TFDP1: variants seen among roughly 807,000 people sequenced by gnomAD.
TFDP1 encodes the protein transcription factor Dp-1.
A neutral mutation model predicts 48.0 loss-of-function variants in TFDP1; 6 were observed. The observed-to-expected ratio is 0.13, with a 90% CI of 0.07 to 0.25. The LOEUF is 0.25. Ranked by LOEUF, TFDP1 falls within the 10% of genes least tolerant of loss-of-function variation. The probability of loss-of-function intolerance (pLI) is 1.00; values close to 1 mark genes in which losing one functional copy is unlikely to be tolerated. For synonymous variants in TFDP1, 201 were observed against 211.6 expected, an observed-to-expected ratio of 0.95 and a Z score of 0.44; for missense variants, 335 against 543.0, an observed-to-expected ratio of 0.62 and a Z score of 3.81.
chr13:113,604,763 A>T (rs536402072), intron 2 of TFDP1, among the ~76,000 whole-genome samples: 25 of 152,184 alleles, frequency 1.6e-4, no homozygotes, highest in Non-Finnish European at 2.9e-4. Context: ...TTCCAGGCCA[A>T]CCAGGACAGG....
At chr13:113,639,343 A>G (rs568454130) in intron 11 of TFDP1, among the ~76,000 whole-genome samples, 1 of 152,326 alleles carries the variant, frequency 6.6e-6, no homozygotes, top group Non-Finnish European at 1.5e-5. Context: ...AGCTATTACC[A>G]TTTCTTACGA....
intron 5 of TFDP1, 44 bp downstream of exon 5, chr13:113,631,788 C>T (rs755346393): frequency 2.4e-5 from 38 of 1,604,694 alleles, no homozygotes; most frequent in Admixed American, 6.9e-5. Context: ...GGACTGCTTG[C>T]GGTTCGCACC....
rs2047954324 is a variant in TFDP1 at position 113,584,825 on chromosome 13, C to T, written c.-128C>T. The T allele has an allele frequency of 6.8e-6, 1 of 146,428 alleles. No individual in the cohort carries two copies. The highest frequency in any genetic ancestry group is 2.0e-4 in the East Asian group (1 of 5,060). 9.1% of individuals were successfully genotyped at this position (146,428 alleles called of 1,614,324 possible). A position where few individuals can be genotyped will look rare whatever the true frequency, so the allele number is the denominator to read the frequency against. On this transcript the variant is annotated 5_prime_UTR_variant, in exon 1 of 12. Coordinates refer to ENST00000375370, the MANE Select transcript of TFDP1 (RefSeq NM_007111.5). ...GGCCCCAGCCCGCGCCTCTCCGCGC[C>T]GCCCCGCGCTCCGCACCGCGCCCTC... is the stretch of plus-strand genomic sequence containing the variant.
intron 2 of TFDP1, among the ~76,000 whole-genome samples, chr13:113,588,977 C>G (rs1167072467): frequency 7.6e-6 from 1 of 131,786 alleles, no homozygotes; most frequent in African/African-American, 2.9e-5. Flanking sequence ...TGTGGGTGGA[C>G]AGTGAGTGGT....
chr13:113,597,997 G>T (rs2048326498), intron 2 of TFDP1, among the ~76,000 whole-genome samples: 1 of 152,178 alleles, frequency 6.6e-6, no homozygotes, highest in Non-Finnish European at 1.5e-5. Flanking sequence ...CTTCCAGGAG[G>T]GCTGCAGGCA....
At chr13:113,613,495 G>C (rs1335009800) in intron 3 of TFDP1, among the ~76,000 whole-genome samples, 1 of 152,214 alleles carries the variant, frequency 6.6e-6, no homozygotes, top group African/African-American at 2.4e-5. Context: ...TGGTTTGTTG[G>C]TGTTTGCATG....
chr13:113,631,794 G>C (rs778537265), intron 5 of TFDP1, 50 bp downstream of exon 5: 1 of 1,602,170 alleles, frequency 6.2e-7, no homozygotes. Flanking sequence ...CTTGCGGTTC[G>C]CACCTCCACG....
chr13:113,586,672 C>T (rs946073375), intron 2 of TFDP1, among the ~76,000 whole-genome samples: 6 of 152,192 alleles, frequency 3.9e-5, no homozygotes, highest in Admixed American at 3.3e-4. Context: ...AGCGAAAATG[C>T]GTCCAGAGTG....
At chr13:113,617,348 A>G (rs2048883001) in intron 3 of TFDP1, among the ~76,000 whole-genome samples, 1 of 150,846 alleles carries the variant, frequency 6.6e-6, no homozygotes, top group African/African-American at 2.5e-5. Context: ...AGTGCTGACA[A>G]CAGAGAAGAA....
At chr13:113,608,804 C>T (rs1294619718) in intron 2 of TFDP1, among the ~76,000 whole-genome samples, 1 of 152,198 alleles carries the variant, frequency 6.6e-6, no homozygotes, top group Non-Finnish European at 1.5e-5. Context: ...CCTGTGGGTT[C>T]TAGCCCACCA....
At chr13:113,636,761 G>GCACCCTCCCCTCCCGGCTCGGC in intron 10 of TFDP1, 61 bp downstream of exon 10, 1 of 1,565,580 alleles carries the variant, frequency 6.4e-7, no homozygotes, top group African/African-American at 1.4e-5. Context: ...GCCTCCGACG[G>GCACCCTCCCCTCCCGGCTCGGC]TGCCCTCCCC....
At chr13:113,591,111 G>A (rs997464610) in intron 2 of TFDP1, among the ~76,000 whole-genome samples, 6 of 151,812 alleles carry the variant, frequency 4.0e-5, no homozygotes, top group Admixed American at 2.0e-4. Flanking sequence ...GGAGGCCAAG[G>A]CGGGTGGATC....
chr13:113,628,479 C>A (rs1273869378), intron 4 of TFDP1, among the ~76,000 whole-genome samples: 13 of 152,240 alleles, frequency 8.5e-5, no homozygotes, highest in Admixed American at 8.5e-4. Flanking sequence ...GGAGCCCATC[C>A]TCCAGAGAAG....
At chr13:113,596,081 CA>C (rs929577331) in intron 2 of TFDP1, among the ~76,000 whole-genome samples, 23 of 144,708 alleles carry the variant, frequency 1.6e-4, no homozygotes, top group Admixed American at 2.7e-4. Flanking sequence ...GACTCCGTCT[CA>C]AAAAAAAAAA....
Position 113,636,264 on chromosome 13 carries a change from G to T in TFDP1, c.839+136G>T, listed in dbSNP as rs1236765457. The T allele has an allele frequency of 3.9e-6, 5 of 1,292,820 alleles. No individual in the cohort carries two copies. In the East Asian group the frequency reaches 9.4e-5, roughly 24 times the overall value. 80.1% of individuals were successfully genotyped at this position (1,292,820 alleles called of 1,614,324 possible). On this transcript the variant is annotated intron_variant, in intron 9 of 11. Transcript: ENST00000375370. ...GTTGCACAAATTGCTGTCCATTGGG[G>T]GGTGGTGGGAGGCTGCCGCCATGTG...
chr13:113,631,808 T>C, intron 5 of TFDP1, 64 bp downstream of exon 5: 1 of 1,594,128 alleles, frequency 6.3e-7, no homozygotes, highest in South Asian at 1.1e-5. Context: ...CTCCACGTTC[T>C]CCTGGGCCAC....
At chr13:113,603,276 C>T (rs2048485548) in intron 2 of TFDP1, among the ~76,000 whole-genome samples, 1 of 152,206 alleles carries the variant, frequency 6.6e-6, no homozygotes, top group East Asian at 1.9e-4. Flanking sequence ...CTCGCACCCT[C>T]CTGGGTCTCT....
intron 2 of TFDP1, among the ~76,000 whole-genome samples, chr13:113,603,452 G>A (rs1436615594): frequency 1.3e-5 from 2 of 152,214 alleles, no homozygotes; most frequent in Non-Finnish European, 2.9e-5. Flanking sequence ...AAAGATGACG[G>A]CAGTGATAGG....
chr13:113,607,577 C>T lies in TFDP1; in HGVS notation c.13-3419C>T, dbSNP rs771857172. Among the ~76,000 whole-genome samples the T allele has an allele frequency of 2.6e-5, 4 of 152,228 alleles. No individual in the cohort carries two copies. The highest frequency in any genetic ancestry group is 4.8e-5 in the African/African-American group (2 of 41,452). ...GCCGTCACTGTGTGCTGCGCATGCC[C>T]TGCAGTTACCCCAGAGCTTTATGTC... On this transcript the variant is annotated intron_variant, in intron 2 of 11. Transcript: ENST00000375370. This position sits in a 1 kb window ranked among gnomAD's most constrained non-coding sequence, Gnocchi z 5.2.
Sources: allele counts gnomAD v4.1 joint callset (sites outside exome capture counted in the v4.1 genomes callset), GRCh38; gene constraint gnomAD v4.1.1; non-coding constraint Gnocchi (gnomAD v3.1); transcripts MANE v1.5; gene names NCBI Gene and HGNC (gene_info 2026-07-23, HGNC 2026-07-21).